Variants in SPOCK1 observed in about 807,000 individuals in gnomAD.
SPOCK1 encodes the protein testican-1.
A neutral mutation model predicts 55.3 loss-of-function variants in SPOCK1; 23 were observed. The observed-to-expected ratio is 0.42, with a 90% confidence interval of 0.30 to 0.59. The LOEUF (loss-of-function observed/expected upper bound fraction) is 0.59, where lower values mean the gene tolerates loss of function less well. Ranked by LOEUF, SPOCK1 falls within the 20% of genes least tolerant of loss-of-function variation. The probability of loss-of-function intolerance (pLI) is 0.22; values close to 1 mark genes in which losing one functional copy is unlikely to be tolerated. For synonymous variants in SPOCK1, 226 were observed against 221.0 expected (o/e 1.02, Z -0.20); for missense variants, 499 against 552.5 (o/e 0.90, Z 0.97).
intron 2 of SPOCK1, among the ~76,000 whole-genome samples, chr5:137,492,536 C>T (rs568748649): frequency 1.6e-4 from 25 of 152,334 alleles, no homozygotes; most frequent in African/African-American, 6.0e-4. Context: ...AGTATGTTTT[C>T]TCTTCCATTT....
chr5:137,266,860 T>C (rs1756862693), intron 3 of SPOCK1, 150 bp downstream of exon 3: 1 of 609,664 alleles, frequency 1.6e-6, no homozygotes, highest in Non-Finnish European at 2.9e-6. Context: ...GATAAAATAA[T>C]TTCTATCACC....
At chr5:137,227,275 C>T (rs776869262) in intron 3 of SPOCK1, among the ~76,000 whole-genome samples, 1 of 152,192 alleles carries the variant, frequency 6.6e-6, no homozygotes, top group African/African-American at 2.4e-5. Context: ...AAGAAAGTGC[C>T]TCAACATCTA....
intron 4 of SPOCK1, among the ~76,000 whole-genome samples, chr5:137,129,931 T>G (rs112233112): frequency 3.9e-5 from 6 of 152,322 alleles, no homozygotes; most frequent in South Asian, 2.1e-4. Context: ...CAAAGGTGGT[T>G]TTGGTCCCTG....
At chr5:137,316,594 A>T (rs1757884312) in intron 2 of SPOCK1, among the ~76,000 whole-genome samples, 1 of 152,156 alleles carries the variant, frequency 6.6e-6, no homozygotes, top group Non-Finnish European at 1.5e-5. Context: ...TATTATTGAC[A>T]ACCTGGCCTT....
At chr5:137,412,958 T>C (rs568144455) in intron 2 of SPOCK1, among the ~76,000 whole-genome samples, 29 of 151,610 alleles carry the variant, frequency 1.9e-4, no homozygotes, top group Non-Finnish European at 3.5e-4. Flanking sequence ...CAGAGAAAGC[T>C]GTCCCAAATC....
chr5:137,304,081 TTG>T (rs869131465), intron 2 of SPOCK1, among the ~76,000 whole-genome samples: 11 of 58,066 alleles, frequency 1.9e-4, no homozygotes, highest in African/African-American at 1.1e-3. Context: ...TTTTTTTTTT[TTG>T]GTTCTGTTAT....
rs1561621137 is a variant in SPOCK1, at chr5:137,131,992, ATAT to A, written c.347+8585_347+8587del. 1.8e-3 allele frequency among the ~76,000 whole-genome samples: 58 copies of A among 33,012 alleles called. 4 individuals are homozygous for A. Among genetic ancestry groups the A allele is most frequent in the African/African-American group, 7.5e-3 (53 of 7,044 alleles). 21.7% of individuals were successfully genotyped at this position (33,012 alleles called of 152,430 possible). A position where few individuals can be genotyped will look rare whatever the true frequency, so the allele number is the denominator to read the frequency against. ...GTCTCAAAAAAAAAAAAAAAAAAAT[ATAT>A]ATATATATATATATATATATATATA... On this transcript the variant is annotated intron_variant, in intron 4 of 10. Transcript: ENST00000394945.
intron 2 of SPOCK1, among the ~76,000 whole-genome samples, chr5:137,343,882 C>G (rs1320537270): frequency 6.6e-6 from 1 of 152,152 alleles, no homozygotes; most frequent in Non-Finnish European, 1.5e-5. Context: ...AAGAGGTCAC[C>G]TCTGGGAAAC....
intron 2 of SPOCK1, among the ~76,000 whole-genome samples, chr5:137,363,110 G>A (rs1341910086): frequency 2.0e-5 from 3 of 152,320 alleles, no homozygotes; most frequent in Non-Finnish European, 2.9e-5. Context: ...GTATCAGGCT[G>A]AGTATGGGAG....
intron 6 of SPOCK1, among the ~76,000 whole-genome samples, chr5:136,998,036 C>T (rs1240412246): frequency 3.3e-5 from 5 of 151,548 alleles, no homozygotes; most frequent in African/African-American, 1.2e-4. Context: ...TAGCTCATAG[C>T]ATCACTACAT....
At chr5:137,064,347 A>G (rs1480346548) in intron 6 of SPOCK1, among the ~76,000 whole-genome samples, 7 of 152,148 alleles carry the variant, frequency 4.6e-5, no homozygotes, top group Non-Finnish European at 7.4e-5. Flanking sequence ...AAAATAAAAT[A>G]TCACCACAAC....
chr5:137,381,525 G>C (rs1194368525), intron 2 of SPOCK1, among the ~76,000 whole-genome samples: 1 of 152,198 alleles, frequency 6.6e-6, no homozygotes, highest in Non-Finnish European at 1.5e-5. Flanking sequence ...AATCTAGACA[G>C]AGTTTCTCAA....
chr5:137,485,102 T>C (rs1754028972), intron 2 of SPOCK1, among the ~76,000 whole-genome samples: 1 of 152,246 alleles, frequency 6.6e-6, no homozygotes, highest in African/African-American at 2.4e-5. Flanking sequence ...ATTTCACTCT[T>C]CTGTATCTTC....
Position 136,992,598 on chromosome 5 carries a change from A to T in SPOCK1, c.592T>A (p.Cys198Ser). The change falls in exon 7 of 11, where the codon TGC (cysteine) becomes AGC (serine). Residue 198 changes from cysteine to serine, a missense_variant and splice_region_variant. Cys to Ser is a moderately radical substitution (Grantham distance 112). Around this residue, in one of 3 missense-constraint regions of SPOCK1, gnomAD observed 386 missense variants for 400.6 expected, o/e 0.96. Transcript: ENST00000394945. ...PPKHKAERSACTDKELRNLAS... is the reference protein window; with the variant it reads ...PPKHKAERSASTDKELRNLAS... The stretch of plus-strand genomic sequence containing the variant: ...AGGTTCCGCAACTCCTTGTCTGTGC[A>T]GGCTAGAGAAAAGCAAACAGAACAG... 4.3e-6 allele frequency: 7 copies of T among 1,610,836 alleles called. No homozygotes were observed. The highest frequency in any genetic ancestry group is 5.9e-6 in the Non-Finnish European group (7 of 1,178,676).
chr5:137,488,668 C>G (rs1488705567), intron 2 of SPOCK1, among the ~76,000 whole-genome samples: 1 of 152,154 alleles, frequency 6.6e-6, no homozygotes, highest in Admixed American at 6.5e-5. Flanking sequence ...AAGTAGAGGC[C>G]TCTGCTCTCT....
chr5:137,444,366 G>T (rs1580930769), intron 2 of SPOCK1, among the ~76,000 whole-genome samples: 1 of 152,198 alleles, frequency 6.6e-6, no homozygotes, highest in Non-Finnish European at 1.5e-5. Context: ...TATAGGCTCT[G>T]CCTGGTGTCA....
At chr5:137,377,433 C>T (rs1751343246) in intron 2 of SPOCK1, among the ~76,000 whole-genome samples, 1 of 152,208 alleles carries the variant, frequency 6.6e-6, no homozygotes, top group Non-Finnish European at 1.5e-5. Flanking sequence ...AATTCCTCCT[C>T]TCAAGGGAAG....
intron 2 of SPOCK1, among the ~76,000 whole-genome samples, chr5:137,321,156 A>C (rs898805921): frequency 6.6e-6 from 1 of 151,930 alleles, no homozygotes; most frequent in Non-Finnish European, 1.5e-5. Context: ...ACACTCAGAG[A>C]CAGGTCATTG....
chr5:137,385,009 G>T (rs1366685687), intron 2 of SPOCK1, among the ~76,000 whole-genome samples: 1 of 152,086 alleles, frequency 6.6e-6, no homozygotes, highest in Non-Finnish European at 1.5e-5. Flanking sequence ...ATAATCACAT[G>T]GAGTTATTTA....
Sources: allele counts gnomAD v4.1 joint callset (sites outside exome capture counted in the v4.1 genomes callset), GRCh38; gene constraint gnomAD v4.1.1; regional missense constraint gnomAD v4.1.1; transcripts MANE v1.5; gene names NCBI Gene and HGNC (gene_info 2026-07-23, HGNC 2026-07-21).